Variants in FARP1 observed in about 807,000 individuals in gnomAD.
FARP1 encodes FERM, ARH/RhoGEF and pleckstrin domain protein 1, also known as FERM, ARHGEF and pleckstrin domain-containing protein 1.
Under a neutral mutation model 128.8 loss-of-function variants are expected in FARP1, and 52 were observed. That is an observed-to-expected ratio of 0.40 (90% CI 0.32 to 0.51). The LOEUF (loss-of-function observed/expected upper bound fraction) is 0.51, where lower values mean the gene tolerates loss of function less well. FARP1 is among the 20% of genes least tolerant of loss of function. FARP1 has a pLI of 0.45. For synonymous variants in FARP1, 580 were observed against 551.8 expected (o/e 1.05, Z -0.72); for missense variants, 1,333 against 1,367.9 (o/e 0.97, Z 0.40).
chr13:98,186,991 C>CA (rs33992037), intron 1 of FARP1, among the ~76,000 whole-genome samples: 1,654 of 47,746 alleles, frequency 0.035, 382 homozygotes, highest in South Asian at 0.044. Flanking sequence ...GATTCTGTCT[C>CA]AAAAAAAAAA....
chr13:98,198,772 G>C (rs1486773792), intron 1 of FARP1, among the ~76,000 whole-genome samples: 1 of 151,260 alleles, frequency 6.6e-6, no homozygotes, highest in Non-Finnish European at 1.5e-5. Context: ...CAGGTACTAA[G>C]GAGGCCAAGG....
In FARP1 at chr13:98,446,878, A is replaced by T. The variant is rs1048822741; in HGVS notation, c.3056+61A>T. 16 of 1,573,442 alleles carry T rather than the reference A, an allele frequency of 1.0e-5. No individual in the cohort carries two copies. In the East Asian group the frequency reaches 1.1e-4, roughly 11 times the overall value. On this transcript the variant is annotated intron_variant, in intron 26 of 26. Coordinates refer to ENST00000319562, the MANE Select transcript of FARP1 (RefSeq NM_005766.4). ...AAGAGGACCCCCTCTTCCAAACATCAGGATTTCTCCCAAGTCAGCGAGTGA... is the reference window on the plus strand; with the variant it reads ...AAGAGGACCCCCTCTTCCAAACATCTGGATTTCTCCCAAGTCAGCGAGTGA...
At chr13:98,190,125 T>C (rs285090) in intron 1 of FARP1, among the ~76,000 whole-genome samples, 148,936 of 152,290 alleles carry the variant, frequency 0.98, 72,902 homozygotes, top group East Asian at 1. Flanking sequence ...TCTTTTTGAG[T>C]TGATCCGCTG....
intron 1 of FARP1, among the ~76,000 whole-genome samples, chr13:98,205,496 C>T (rs545094821): frequency 3.3e-5 from 5 of 152,160 alleles, no homozygotes; most frequent in African/African-American, 1.2e-4. Context: ...GGGTTCATGC[C>T]ATTCTCTTGC....
At chr13:98,188,805 CG>C (rs948274165) in intron 1 of FARP1, among the ~76,000 whole-genome samples, 5 of 152,128 alleles carry the variant, frequency 3.3e-5, no homozygotes, top group African/African-American at 1.2e-4. Context: ...CAGAAGTGTT[CG>C]GGGGGTGAAA....
chr13:98,380,315 C>T (rs554253071), intron 6 of FARP1, among the ~76,000 whole-genome samples: 34 of 142,224 alleles, frequency 2.4e-4, no homozygotes, highest in Non-Finnish European at 7.8e-5. Flanking sequence ...GGTGTGGTGG[C>T]GGTGGGCGCC....
intron 2 of FARP1, among the ~76,000 whole-genome samples, chr13:98,323,607 T>C (rs1414272396): frequency 6.6e-6 from 1 of 152,200 alleles, no homozygotes; most frequent in Non-Finnish European, 1.5e-5. Flanking sequence ...TCCAAGTTTT[T>C]CTATTTTAAA....
chr13:98,354,898 T>C (rs1449751647), intron 3 of FARP1, among the ~76,000 whole-genome samples: 3 of 152,188 alleles, frequency 2.0e-5, no homozygotes, highest in South Asian at 2.1e-4. Flanking sequence ...CTAGTGCAAA[T>C]TGAAATGTAA....
Position 98,440,819 on chromosome 13 carries a change from T to G in FARP1, c.2779T>G (p.Phe927Val). The G allele has an allele frequency of 6.2e-7, 1 of 1,609,544 alleles. No homozygotes were observed. Among genetic ancestry groups the G allele is most frequent in the Non-Finnish European group, 8.5e-7 (1 of 1,178,652 alleles). The part of the protein sequence containing the change: ...HRNTSVSMVD[F>V]SIAVENQLSG... Reference sequence around the variant, plus strand: ...CAACACCAGCGTCTCCATGGTGGACTTCAGCATCGCAGTGGAGGTACGCAG... The same window carrying G: ...CAACACCAGCGTCTCCATGGTGGACGTCAGCATCGCAGTGGAGGTACGCAG... The change falls in exon 24 of 27, where the codon TTC (phenylalanine) becomes GTC (valine). Residue 927 changes from phenylalanine (F) to valine (V), a missense_variant. Phe to Val is a conservative substitution (Grantham distance 50). Transcript: ENST00000319562.
intron 19 of FARP1, among the ~76,000 whole-genome samples, chr13:98,438,139 G>A (rs896543759): frequency 2.0e-5 from 3 of 152,120 alleles, no homozygotes; most frequent in Non-Finnish European, 2.9e-5. Flanking sequence ...GTGCCCCTGC[G>A]ATCCATGCCC....
At chr13:98,194,710 C>T (rs1196519973) in intron 1 of FARP1, among the ~76,000 whole-genome samples, 1 of 152,198 alleles carries the variant, frequency 6.6e-6, no homozygotes, top group Non-Finnish European at 1.5e-5. Flanking sequence ...TATTTTGATA[C>T]ATCAACAAGG....
intron 1 of FARP1, among the ~76,000 whole-genome samples, chr13:98,167,513 G>A (rs536559938): frequency 1.1e-4 from 17 of 150,800 alleles, no homozygotes; most frequent in African/African-American, 4.1e-4. Flanking sequence ...TGGTTCAAGT[G>A]ATTCTCCTGC....
intron 13 of FARP1, chr13:98,396,044 G>A (rs535727983): frequency 2.5e-6 from 1 of 399,118 alleles, no homozygotes; most frequent in Admixed American, 4.4e-5. Context: ...CCATACATGC[G>A]GAATCTTCCT....
chr13:98,156,258 A>G (rs1396515122), intron 1 of FARP1, among the ~76,000 whole-genome samples: 1 of 152,142 alleles, frequency 6.6e-6, no homozygotes, highest in Admixed American at 6.6e-5. Flanking sequence ...GGCAATTTAT[A>G]AAAGACTTAA....
chr13:98,449,286 C>T lies in FARP1; in HGVS notation c.*969C>T, dbSNP rs1893065880. ...CCTGCAACTGTGGTTTGAAACTGCG[C>T]ATTCTCTAGTAGTATATATCGTGCC... is the stretch of plus-strand genomic sequence containing the variant. On this transcript the variant is annotated 3_prime_UTR_variant, in exon 27 of 27. Transcript: ENST00000319562. The T allele has an allele frequency of 6.6e-6, 1 of 152,192 alleles. No individual in the cohort carries two copies. The highest frequency in any genetic ancestry group is 1.5e-5 in the Non-Finnish European group (1 of 68,052). 9.4% of individuals were successfully genotyped at this position (152,192 alleles called of 1,614,324 possible).
At chr13:98,159,214 C>T (rs533545730) in intron 1 of FARP1, among the ~76,000 whole-genome samples, 24 of 152,104 alleles carry the variant, frequency 1.6e-4, no homozygotes, top group Non-Finnish European at 2.8e-4. Flanking sequence ...GCACTGTGCT[C>T]AGCATGTTGC....
chr13:98,237,823 C>G (rs778761408), intron 2 of FARP1, among the ~76,000 whole-genome samples: 19 of 152,032 alleles, frequency 1.2e-4, no homozygotes, highest in Non-Finnish European at 2.6e-4. Context: ...AGCATAAGGA[C>G]CATTTTTTTT....
Position 98,172,589 on chromosome 13 carries a change from C to T in FARP1, c.-24+29097C>T, listed in dbSNP as rs565307597. Among the ~76,000 whole-genome samples the T allele has an allele frequency of 4.5e-4, 69 of 152,242 alleles. 1 individual carries two copies. The South Asian group carries it at 0.013, about 29-fold the overall frequency. On this transcript the variant is annotated intron_variant, in intron 1 of 26. Transcript: ENST00000319562. ...AAGTTACCTGTTAGCCCTTAACCTGCCCGCTTCCTGGTTTCTTTTAGACCT... is the reference window on the plus strand; with the variant it reads ...AAGTTACCTGTTAGCCCTTAACCTGTCCGCTTCCTGGTTTCTTTTAGACCT...
intron 2 of FARP1, among the ~76,000 whole-genome samples, chr13:98,254,025 C>A (rs1471814092): frequency 1.3e-5 from 2 of 152,150 alleles, no homozygotes; most frequent in Non-Finnish European, 2.9e-5. Context: ...CCACTCTGTA[C>A]TTCTGATGCA....
Sources: gnomAD v4.1 joint callset for allele counts (sites outside exome capture counted in the v4.1 genomes callset) on GRCh38, gnomAD v4.1.1 for gene constraint, MANE v1.5 for transcripts, NCBI Gene and HGNC (gene_info 2026-07-23, HGNC 2026-07-21) for gene names.